TMSB15B: variants seen among roughly 807,000 people sequenced by gnomAD.
TMSB15B encodes thymosin beta-15B.
rs58437454 is a variant in TMSB15B at position 103,919,848 on chromosome X, A to C, written c.-721+556A>C. Among the ~76,000 whole-genome samples the C allele has an allele frequency of 4.1e-3, 460 of 112,046 alleles. 3 individuals carry two copies. The highest frequency in any genetic ancestry group is 0.014 in the African/African-American group (434 of 30,687). ...TTACAGCATCCAACTTAGCACCTGT[A>C]TGTTGCTCTCTAGATGCTAATTGTT... On this transcript the variant is annotated intron_variant, in intron 1 of 3. Coordinates refer to the TMSB15B transcript ENST00000419165.
At chrX:103,920,068 C>T (rs149513093) in intron 1 of TMSB15B, among the ~76,000 whole-genome samples, 1,875 of 111,653 alleles carry the variant, frequency 0.017, 11 homozygotes, top group Non-Finnish European at 0.027. Flanking sequence ...TTCTTTCCTT[C>T]GTTTTTTTAA....
chrX:103,948,579 A>G (rs2075031440), intron 1 of TMSB15B, among the ~76,000 whole-genome samples: 2 of 112,766 alleles, frequency 1.8e-5, no homozygotes, highest in Admixed American at 1.9e-4. Context: ...TTCATATAAC[A>G]GAATATTATA....
chrX:103,929,075 C>A, intron 1 of TMSB15B: 1 of 965,166 alleles, frequency 1.0e-6, no homozygotes, highest in South Asian at 2.9e-5. Flanking sequence ...CTGGTTGGTT[C>A]TATATAGCTT....
intron 1 of TMSB15B, chrX:103,931,585 CTA>C (rs1230824512): frequency 4.5e-5 from 5 of 112,284 alleles, no homozygotes; most frequent in African/African-American, 1.6e-4. Flanking sequence ...TGTTTTATCT[CTA>C]TGACAATGGA....
At chrX:103,947,490 ATATG>A (rs2075028421) in intron 1 of TMSB15B, among the ~76,000 whole-genome samples, 2 of 111,747 alleles carry the variant, frequency 1.8e-5, no homozygotes, top group South Asian at 7.5e-4. Context: ...TACACCTAAG[ATATG>A]TATGTATGTA....
chrX:103,924,221 A>T (rs782241562), intron 1 of TMSB15B, among the ~76,000 whole-genome samples: 24 of 111,267 alleles, frequency 2.2e-4, no homozygotes, highest in Non-Finnish European at 4.1e-4. Context: ...TGTGGTCCTC[A>T]TTCTAAATGG....
chrX:103,939,501 C>G (rs1229880340), intron 1 of TMSB15B, among the ~76,000 whole-genome samples: 1 of 110,273 alleles, frequency 9.1e-6, no homozygotes, highest in African/African-American at 3.3e-5. Flanking sequence ...TTTTTAAGCT[C>G]CATCAGGTCA....
chrX:103,923,422 G>C (rs1218779822), intron 1 of TMSB15B, among the ~76,000 whole-genome samples: 1 of 111,879 alleles, frequency 8.9e-6, no homozygotes, highest in African/African-American at 3.3e-5. Flanking sequence ...TCCTCATATG[G>C]CTAGCCAGTT....
At chrX:103,948,386 G>A (rs1373764797) in intron 1 of TMSB15B, among the ~76,000 whole-genome samples, 7 of 111,972 alleles carry the variant, frequency 6.3e-5, no homozygotes, top group African/African-American at 2.3e-4. Context: ...TTATTTGGCA[G>A]TGTGTAGTCA....
chrX:103,947,671 A>G (rs1310442286), intron 1 of TMSB15B, among the ~76,000 whole-genome samples: 2 of 112,076 alleles, frequency 1.8e-5, no homozygotes, highest in African/African-American at 6.5e-5. Flanking sequence ...GCAAAAAAGA[A>G]GACCAGCAAC....
chrX:103,920,351 C>G (rs782088786), intron 1 of TMSB15B, among the ~76,000 whole-genome samples: 71 of 111,802 alleles, frequency 6.4e-4, no homozygotes, highest in African/African-American at 2.1e-3. Flanking sequence ...TTTTGATGTA[C>G]TAGGACTACA....
chrX:103,949,897 G>T (rs1190792318), intron 1 of TMSB15B, among the ~76,000 whole-genome samples: 1 of 111,717 alleles, frequency 9.0e-6, no homozygotes, highest in Non-Finnish European at 1.9e-5. Context: ...AGGTTTGGAA[G>T]AAGAGGGGCC....
intron 1 of TMSB15B, among the ~76,000 whole-genome samples, chrX:103,949,348 GT>G (rs1357327774): frequency 8.9e-6 from 1 of 112,080 alleles, no homozygotes; most frequent in Admixed American, 9.5e-5. Flanking sequence ...TGTTGAGAAT[GT>G]ACCACTGTAG....
At chrX:103,922,275 G>A (rs2074955478) in intron 1 of TMSB15B, among the ~76,000 whole-genome samples, 1 of 109,098 alleles carries the variant, frequency 9.2e-6, no homozygotes, top group Non-Finnish European at 1.9e-5. Flanking sequence ...TGTTACATAT[G>A]TATACATGTA....
At chrX:103,924,391 A>C (rs1283298170) in intron 1 of TMSB15B, among the ~76,000 whole-genome samples, 1 of 111,196 alleles carries the variant, frequency 9.0e-6, no homozygotes, top group Non-Finnish European at 1.9e-5. Flanking sequence ...ATTCTACTCT[A>C]CTCAGTTAAG....
chrX:103,920,800 G>A (rs1239782792), intron 1 of TMSB15B, among the ~76,000 whole-genome samples: 2 of 112,153 alleles, frequency 1.8e-5, no homozygotes, highest in African/African-American at 6.5e-5. Context: ...AGCTCTTCAG[G>A]GGACTTCTCC....
chrX:103,924,235 CCTCT>C (rs1556318383), intron 1 of TMSB15B, among the ~76,000 whole-genome samples: 1 of 111,073 alleles, frequency 9.0e-6, no homozygotes, highest in Non-Finnish European at 1.9e-5. Context: ...TAAATGGGCT[CCTCT>C]CTGTCAACCA....
rs1342520613 is a variant in TMSB15B at position 103,933,511 on chromosome X, C to T, written c.-721+14219C>T. 2.7e-5 allele frequency among the ~76,000 whole-genome samples: 3 copies of T among 111,851 alleles called. No individual in the cohort carries two copies. The East Asian group carries it at 8.3e-4, about 31-fold the overall frequency. ...TCTCCCCCCGCCAATGATGATATCC[C>T]TTCTTCCATCTTAGGGTTAGCCCCC... On this transcript the variant is annotated intron_variant, in intron 1 of 3. Coordinates refer to the TMSB15B transcript ENST00000419165.
At chrX:103,927,662 GTTTTTT>G (rs1157847043) in intron 1 of TMSB15B, among the ~76,000 whole-genome samples, 1 of 80,893 alleles carries the variant, frequency 1.2e-5, no homozygotes, top group Non-Finnish European at 2.5e-5. Context: ...ATAGTGCCAG[GTTTTTT>G]TTTTTTTTTT....
Sources: allele counts gnomAD v4.1 joint callset (sites outside exome capture counted in the v4.1 genomes callset), GRCh38; gene constraint gnomAD v4.1.1; transcripts MANE v1.5; gene names NCBI Gene and HGNC (gene_info 2026-07-23, HGNC 2026-07-21).